The following DNAAF11 variants were observed in gnomAD, a reference collection of about 807,000 sequenced individuals.
DNAAF11 encodes dynein axonemal assembly factor 11, also known as leucine rich repeat containing 6.
DNAAF11 carries 45 observed loss-of-function variants against 60.8 expected under a neutral mutation model. That is an observed-to-expected ratio of 0.74 (90% CI 0.58 to 0.95). The LOEUF is 0.95. Ranked by LOEUF, DNAAF11 falls within the 40% of genes least tolerant of loss-of-function variation. The pLI is 0.00. For synonymous variants in DNAAF11, 191 were observed against 183.5 expected, an observed-to-expected ratio of 1.04 and a Z score of -0.33; for missense variants, 546 against 546.2, an observed-to-expected ratio of 1.00 and a Z score of 0.00.
chr8:132,617,800 TACAA>T (rs1389062744), intron 7 of DNAAF11, among the ~76,000 whole-genome samples: 2 of 151,132 alleles, frequency 1.3e-5, no homozygotes, highest in Non-Finnish European at 3.0e-5. Flanking sequence ...TAAAAGAGGA[TACAA>T]ACAAATGGAA....
the DNAAF11 span, among the ~76,000 whole-genome samples, chr8:132,697,080 T>A: frequency 6.6e-6 from 1 of 152,204 alleles, no homozygotes. Context: ...AAAGACCGCA[T>A]ATTGCATGAT....
chr8:132,635,916 T>A (rs1045983563), intron 4 of DNAAF11, among the ~76,000 whole-genome samples: 1 of 152,058 alleles, frequency 6.6e-6, no homozygotes, highest in Admixed American at 6.6e-5. Context: ...ATGCCAAAGA[T>A]TGGCCAGCAA....
chr8:132,660,362 C>A (rs1192165230), intron 2 of DNAAF11, among the ~76,000 whole-genome samples: 1 of 152,166 alleles, frequency 6.6e-6, no homozygotes, highest in Non-Finnish European at 1.5e-5. Flanking sequence ...AATCCCTATG[C>A]CAATTTACAT....
chr8:132,619,731 C>T (rs570392764), intron 7 of DNAAF11, among the ~76,000 whole-genome samples: 13 of 152,254 alleles, frequency 8.5e-5, no homozygotes, highest in Admixed American at 3.9e-4. Context: ...TTGTTTAAGA[C>T]AAAGATTTTT....
In DNAAF11 at chr8:132,572,301, A is replaced by C. The variant is rs144068846; in HGVS notation, c.*5T>G. 278 of 1,611,750 alleles carry C rather than the reference A, an allele frequency of 1.7e-4. 1 individual carries two copies. The East Asian group carries it at 4.2e-3, about 25-fold the overall frequency. ...TCTCAGCCAATGGCAACGCAGCCAGATGTTTCAAATCAGCGGAGGCACTTC... is the reference window on the plus strand; with the variant it reads ...TCTCAGCCAATGGCAACGCAGCCAGCTGTTTCAAATCAGCGGAGGCACTTC... On this transcript the variant is annotated 3_prime_UTR_variant, in exon 12 of 12. Transcript: ENST00000620350.
intron 3 of DNAAF11, among the ~76,000 whole-genome samples, chr8:132,655,310 T>G (rs1823434204): frequency 6.6e-6 from 1 of 152,212 alleles, no homozygotes. Flanking sequence ...TCCTGGTGTA[T>G]TCTAACAAAT....
chr8:132,699,351 C>A, the DNAAF11 span, among the ~76,000 whole-genome samples: 61 of 152,108 alleles, frequency 4.0e-4, no homozygotes, highest in East Asian at 0.011. Flanking sequence ...TAGAGCTGAG[C>A]TTGGTGATGT....
intron 4 of DNAAF11, among the ~76,000 whole-genome samples, chr8:132,636,908 A>G (rs1378391928): frequency 6.6e-6 from 1 of 152,214 alleles, no homozygotes; most frequent in African/African-American, 2.4e-5. Flanking sequence ...AGAACACAGA[A>G]GTCTAAGAAA....
chr8:132,657,415 A>G (rs925541355), intron 2 of DNAAF11, among the ~76,000 whole-genome samples: 1 of 152,212 alleles, frequency 6.6e-6, no homozygotes, highest in Non-Finnish European at 1.5e-5. Flanking sequence ...ACTCAATCAT[A>G]AGGGAAACAG....
chr8:132,631,153 C>T (rs1471884980), intron 5 of DNAAF11, among the ~76,000 whole-genome samples: 1 of 152,178 alleles, frequency 6.6e-6, no homozygotes, highest in Non-Finnish European at 1.5e-5. Context: ...ACCAGAGATA[C>T]AGCCCTGGCA....
intron 4 of DNAAF11, among the ~76,000 whole-genome samples, chr8:132,633,538 A>T (rs1273374928): frequency 6.6e-6 from 1 of 152,218 alleles, no homozygotes; most frequent in African/African-American, 2.4e-5. Flanking sequence ...ATACCTATTT[A>T]TCTACCCTGC....
intron 10 of DNAAF11, among the ~76,000 whole-genome samples, chr8:132,599,875 T>C (rs186346168): frequency 2.6e-4 from 39 of 152,322 alleles, no homozygotes; most frequent in Non-Finnish European, 3.8e-4. Context: ...AAGACAGGGA[T>C]GCCCTCTCTC....
intron 11 of DNAAF11, among the ~76,000 whole-genome samples, chr8:132,578,955 T>C (rs992965938): frequency 1.3e-5 from 2 of 152,210 alleles, no homozygotes; most frequent in South Asian, 4.1e-4. Context: ...AAGGGTGCAG[T>C]GCCAAAGAGC....
At position 132,617,791 on chromosome 8, in the gene DNAAF11, A is replaced by C. The variant is rs571731812; in HGVS notation, c.915-2694T>G. 2.6e-5 allele frequency among the ~76,000 whole-genome samples: 4 copies of C among 151,776 alleles called. No homozygotes were observed. In the East Asian group the frequency reaches 5.8e-4, roughly 22 times the overall value. On this transcript the variant is annotated intron_variant, in intron 7 of 11. Transcript: ENST00000620350. The stretch of plus-strand genomic sequence containing the variant: ...ACTACAAACCACTGCTCAAGGAAAT[A>C]AAAGAGGATACAAACAAATGGAAGA...
At chr8:132,693,494 A>C in the DNAAF11 span, among the ~76,000 whole-genome samples, 1 of 151,832 alleles carries the variant, frequency 6.6e-6, no homozygotes, top group Admixed American at 6.6e-5. Context: ...ACATAGTTAT[A>C]CTAGGTACTG....
At chr8:132,578,635 TAAAG>T (rs1257201775) in intron 11 of DNAAF11, 51 of 627,882 alleles carry the variant, frequency 8.1e-5, no homozygotes, top group East Asian at 6.5e-4. Context: ...TCAAAAAACA[TAAAG>T]AAAGAACTTT....
intron 5 of DNAAF11, among the ~76,000 whole-genome samples, chr8:132,627,254 A>G (rs1219942714): frequency 6.6e-6 from 1 of 152,200 alleles, no homozygotes; most frequent in African/African-American, 2.4e-5. Context: ...AATTGGTTCA[A>G]TCTGGCCTTT....
At chr8:132,699,561 T>C in the DNAAF11 span, among the ~76,000 whole-genome samples, 3 of 152,276 alleles carry the variant, frequency 2.0e-5, no homozygotes, top group Admixed American at 1.3e-4. Flanking sequence ...TTCTCTGCCC[T>C]GGAATAAGTT....
chr8:132,640,699 A>G (rs1821766303), intron 3 of DNAAF11, among the ~76,000 whole-genome samples: 1 of 152,176 alleles, frequency 6.6e-6, no homozygotes, highest in African/African-American at 2.4e-5. Flanking sequence ...CCTGTCTACT[A>G]TAATCCTATT....
Sources: allele counts gnomAD v4.1 joint callset (sites outside exome capture counted in the v4.1 genomes callset), GRCh38; gene constraint gnomAD v4.1.1; transcripts MANE v1.5; gene names NCBI Gene and HGNC (gene_info 2026-07-23, HGNC 2026-07-21).